Variants in ZDHHC13 observed in about 807,000 individuals in gnomAD.
ZDHHC13 encodes the protein palmitoyltransferase ZDHHC13.
Under a neutral mutation model 86.0 loss-of-function variants are expected in ZDHHC13, and 85 were observed. The ratio of observed to expected loss-of-function variants is 0.99; its 90% CI spans 0.83 to 1.18. The LOEUF (loss-of-function observed/expected upper bound fraction) is 1.18, where lower values mean the gene tolerates loss of function less well. Among genes scored for constraint, ZDHHC13 ranks in the 50% most tolerant of loss-of-function variants. ZDHHC13 has a pLI of 0.00. For synonymous variants in ZDHHC13, 263 were observed against 246.4 expected, an observed-to-expected ratio of 1.07 and a Z score of -0.63; for missense variants, 711 against 730.2, an observed-to-expected ratio of 0.97 and a Z score of 0.30.
intron 1 of ZDHHC13, among the ~76,000 whole-genome samples, chr11:19,136,058 A>G (rs1360665848): frequency 6.6e-6 from 1 of 152,264 alleles, no homozygotes; most frequent in Non-Finnish European, 1.5e-5. Flanking sequence ...CAGCAACGGA[A>G]CAAAGCTGGA....
Position 19,117,549 on chromosome 11 carries a change from C to T in ZDHHC13, c.27+273C>T, listed in dbSNP as rs1848671141. 2.6e-6 allele frequency: 1 copy of T among 378,594 alleles called. No individual in the cohort carries two copies. The highest frequency in any genetic ancestry group is 4.7e-6 in the Non-Finnish European group (1 of 212,724). 23.5% of individuals were successfully genotyped at this position (378,594 alleles called of 1,614,324 possible). On this transcript the variant is annotated intron_variant, in intron 1 of 16. Coordinates refer to ENST00000446113, the MANE Select transcript of ZDHHC13 (RefSeq NM_019028.3). The surrounding 1 kb of genome is among the most constrained non-coding windows in gnomAD (Gnocchi z 4.2). The stretch of plus-strand genomic sequence containing the variant: ...CAGGGCGCCCCCTGGGGCCGGTACC[C>T]GGAGCCCGGCGGGGACCTCTGTGGG...
rs1849628851 is a variant in ZDHHC13 at position 19,152,212 on chromosome 11, T to C, written c.639T>C (p.Asp213=). 6.2e-7 allele frequency: 1 copy of C among 1,613,186 alleles called. No homozygotes were observed. Among genetic ancestry groups the C allele is most frequent in the South Asian group, 1.1e-5 (1 of 91,034 alleles). The change falls in exon 7 of 17, where the codon GAT becomes GAC. Residue 213 remains aspartate (D), a synonymous_variant. Transcript: ENST00000446113. ...LKFNPSLNVV[D]KIHQNTPLHW... Reference sequence around the variant, plus strand: ...TTAATCCTTCTCTCAATGTGGTTGATAAAATACACCAAAACACTCCACTTC... The same window carrying C: ...TTAATCCTTCTCTCAATGTGGTTGACAAAATACACCAAAACACTCCACTTC...
intron 1 of ZDHHC13, among the ~76,000 whole-genome samples, chr11:19,128,527 A>G (rs138647767): frequency 5.7e-4 from 87 of 152,256 alleles, no homozygotes; most frequent in African/African-American, 2.0e-3. Context: ...GTCTTGTAAA[A>G]ACTTTCTTTA....
rs58806796 is a variant in ZDHHC13, at chr11:19,175,389, C to CAAAAAAAAAAAAAAAAAAAAAA, written c.1731-426_1731-405dup. On this transcript the variant is annotated intron_variant, in intron 16 of 16. Transcript: ENST00000446113. ...TGGGTGACAGAGCGAGACTCCGTCT[C>CAAAAAAAAAAAAAAAAAAAAAA]AAAAAAAAAAAAAAAAAAAAAAAAA... Among the ~76,000 whole-genome samples, 9 of 56,366 alleles carry CAAAAAAAAAAAAAAAAAAAAAA rather than the reference C, an allele frequency of 1.6e-4. 1 individual carries two copies. The highest frequency in any genetic ancestry group is 2.6e-4 in the Non-Finnish European group (8 of 31,344). The allele number at this position is 56,366 out of a possible 152,430, so 37.0% of individuals were successfully genotyped here. A position where few individuals can be genotyped will look rare whatever the true frequency, so the allele number is the denominator to read the frequency against.
At chr11:19,167,939 A>G (rs988343036) in intron 14 of ZDHHC13, 2 of 152,056 alleles carry the variant, frequency 1.3e-5, no homozygotes, top group African/African-American at 4.8e-5. Context: ...TTGGCCTCCC[A>G]AATAGCTGAG....
At chr11:19,158,708 C>G (rs1427869327) in intron 9 of ZDHHC13, among the ~76,000 whole-genome samples, 1 of 152,120 alleles carries the variant, frequency 6.6e-6, no homozygotes, top group East Asian at 1.9e-4. Context: ...AGAACTAGAA[C>G]ATACACTTCT....
At position 19,117,410 on chromosome 11, in the gene ZDHHC13, G is replaced by T; in HGVS notation, c.27+134G>T. ...GGCGGGGCCTAGGTCTGGGAAGCGG[G>T]AGCCTGGAAACACCACGAACGATGC... On this transcript the variant is annotated intron_variant, in intron 1 of 16. Transcript: ENST00000446113. The surrounding 1 kb of genome is among the most constrained non-coding windows in gnomAD (Gnocchi z 4.2). The T allele has an allele frequency of 1.1e-6, 1 of 937,712 alleles. No individual in the cohort carries two copies. Among genetic ancestry groups the T allele is most frequent in the East Asian group, 3.2e-5 (1 of 31,070 alleles). 58.1% of individuals were successfully genotyped at this position (937,712 alleles called of 1,614,324 possible). A position where few individuals can be genotyped will look rare whatever the true frequency, so the allele number is the denominator to read the frequency against.
chr11:19,138,516 C>T (rs1267032902), intron 1 of ZDHHC13, among the ~76,000 whole-genome samples: 14 of 152,020 alleles, frequency 9.2e-5, no homozygotes, highest in Admixed American at 7.8e-4. Flanking sequence ...CCTTCTGAAA[C>T]TATTCCAGTC....
chr11:19,117,306 G>C lies in ZDHHC13; in HGVS notation c.27+30G>C. 2 of 1,452,272 alleles carry C rather than the reference G, an allele frequency of 1.4e-6. No homozygotes were observed. Among genetic ancestry groups the C allele is most frequent in the South Asian group, 1.3e-5 (1 of 74,404 alleles). 90.0% of individuals were successfully genotyped at this position (1,452,272 alleles called of 1,614,324 possible). A position where few individuals can be genotyped will look rare whatever the true frequency, so the allele number is the denominator to read the frequency against. ...GTGCGGCCGGGCGGTGGCTGTCCTG[G>C]GGGCCGGGAGAGCGGCTGCAGCTGT... is the stretch of plus-strand genomic sequence containing the variant. On this transcript the variant is annotated intron_variant, in intron 1 of 16. Transcript: ENST00000446113. This position sits in a 1 kb window ranked among gnomAD's most constrained non-coding sequence, Gnocchi z 4.2.
intron 11 of ZDHHC13, among the ~76,000 whole-genome samples, chr11:19,164,087 T>TA (rs1849988017): frequency 6.6e-6 from 1 of 152,168 alleles, no homozygotes; most frequent in South Asian, 2.1e-4. Flanking sequence ...TGGGGTGGTA[T>TA]AATTTTTATG....
chr11:19,160,457 A>G (rs1052654418), intron 10 of ZDHHC13, among the ~76,000 whole-genome samples: 1 of 151,926 alleles, frequency 6.6e-6, no homozygotes, highest in African/African-American at 2.4e-5. Flanking sequence ...GATACAACAA[A>G]ATCACTTGCA....
At position 19,176,184 on chromosome 11, in the gene ZDHHC13, C is replaced by G; in HGVS notation, c.*224C>G. 2.8e-6 allele frequency: 1 copy of G among 363,388 alleles called. No individual in the cohort carries two copies. The highest frequency in any genetic ancestry group is 4.8e-6 in the Non-Finnish European group (1 of 209,496). 22.5% of individuals were successfully genotyped at this position (363,388 alleles called of 1,614,324 possible). The stretch of plus-strand genomic sequence containing the variant: ...CTTGGCAGACATCTAAAAAAAAAAC[C>G]ATATTTTTCACAAGAAAATGCAAGT... On this transcript the variant is annotated 3_prime_UTR_variant, in exon 17 of 17. Coordinates refer to ENST00000446113, the MANE Select transcript of ZDHHC13 (RefSeq NM_019028.3).
chr11:19,119,612 A>G (rs1848719006), intron 1 of ZDHHC13, among the ~76,000 whole-genome samples: 1 of 151,814 alleles, frequency 6.6e-6, no homozygotes, highest in South Asian at 2.1e-4. Context: ...CATCATCAGC[A>G]CTACCAGCAA....
intron 1 of ZDHHC13, among the ~76,000 whole-genome samples, chr11:19,134,235 C>G (rs1472986073): frequency 6.6e-6 from 1 of 152,136 alleles, no homozygotes. Flanking sequence ...GTGGCTTACA[C>G]CTGTAATCCC....
rs1400953700 is a variant in ZDHHC13 at position 19,149,142 on chromosome 11, C to T, written c.375-45C>T. ...ATATCAGTCTCTCCCTGACTTTTTGCTTTTTCTGCATGCTACAGAATGGCT... is the reference window on the plus strand; with the variant it reads ...ATATCAGTCTCTCCCTGACTTTTTGTTTTTTCTGCATGCTACAGAATGGCT... On this transcript the variant is annotated intron_variant, in intron 4 of 16. Transcript: ENST00000446113. 17 of 1,415,882 alleles carry T rather than the reference C, an allele frequency of 1.2e-5. No homozygotes were observed. In the Admixed American group the frequency reaches 2.0e-4, roughly 17 times the overall value. 87.7% of individuals were successfully genotyped at this position (1,415,882 alleles called of 1,614,324 possible). A position where few individuals can be genotyped will look rare whatever the true frequency, so the allele number is the denominator to read the frequency against.
At chr11:19,130,524 T>C (rs1021352550) in intron 1 of ZDHHC13, among the ~76,000 whole-genome samples, 1 of 152,202 alleles carries the variant, frequency 6.6e-6, no homozygotes, top group South Asian at 2.1e-4. Context: ...TTCAATGATT[T>C]TCTGTATTGT....
intron 8 of ZDHHC13, among the ~76,000 whole-genome samples, chr11:19,153,743 C>G (rs1467477017): frequency 6.6e-6 from 1 of 152,180 alleles, no homozygotes; most frequent in Non-Finnish European, 1.5e-5. Flanking sequence ...ACCTACTTTA[C>G]TCATCCGCTT....
chr11:19,141,963 C>T (rs538256376), intron 1 of ZDHHC13, among the ~76,000 whole-genome samples: 10 of 152,248 alleles, frequency 6.6e-5, no homozygotes, highest in East Asian at 1.9e-4. Flanking sequence ...CAAATTACCA[C>T]GCATTTAGTG....
In ZDHHC13 at chr11:19,152,168, A is replaced by T. The variant is rs577108158; in HGVS notation, c.595A>T (p.Thr199Ser). The change falls in exon 7 of 17, where the codon ACT becomes TCT. Residue 199 changes from threonine to serine, a missense_variant. Physicochemically the swap from Thr to Ser is moderately conservative, Grantham distance 58 (BLOSUM62 1). Coordinates refer to ENST00000446113, the MANE Select transcript of ZDHHC13 (RefSeq NM_019028.3). ...SAHKVIGPEP[T>S]GFLLKFNPSL... ...ATTATTTTGAGACAGGCCAGAACCA[A>T]CTGGATTTCTTTTAAAGTTTAATCC... 6.2e-7 allele frequency: 1 copy of T among 1,612,906 alleles called. No individual in the cohort carries two copies. Among genetic ancestry groups the T allele is most frequent in the African/African-American group, 1.3e-5 (1 of 75,024 alleles).
Sources: allele counts gnomAD v4.1 joint callset (sites outside exome capture counted in the v4.1 genomes callset), GRCh38; gene constraint gnomAD v4.1.1; non-coding constraint Gnocchi (gnomAD v3.1); transcripts MANE v1.5; gene names NCBI Gene and HGNC (gene_info 2026-07-23, HGNC 2026-07-21).